The following HDAC9 variants were observed in gnomAD, a reference collection of about 807,000 sequenced individuals.
The protein encoded by HDAC9 is MEF-2 interacting transcription repressor (MITR) protein.
In HDAC9, 41 loss-of-function variants were observed where a neutral mutation model predicts 139.4. The ratio of observed to expected loss-of-function variants is 0.29; its 90% CI spans 0.23 to 0.38. HDAC9 has a LOEUF of 0.38. Among genes scored for constraint, HDAC9 ranks in the 10% least tolerant of loss-of-function variants. The pLI is 1.00. For missense variants in HDAC9, 1,147 were observed against 1,297.0 expected (o/e 0.88, Z 1.78); for synonymous variants, 517 against 476.2 (o/e 1.09, Z -1.12).
intron 2 of HDAC9, among the ~76,000 whole-genome samples, chr7:18,539,000 G>A (rs746429971): frequency 6.6e-6 from 1 of 152,090 alleles, no homozygotes; most frequent in Non-Finnish European, 1.5e-5. Context: ...TTATCTTCTT[G>A]TAAAGCCACA....
intron 22 of HDAC9, among the ~76,000 whole-genome samples, chr7:18,879,633 C>T (rs1799576589): frequency 6.6e-6 from 1 of 152,124 alleles, no homozygotes; most frequent in African/African-American, 2.4e-5. Flanking sequence ...AGCTGGACCC[C>T]TTCCTTACAC....
chr7:18,148,567 C>T (rs1786518498), intron 1 of HDAC9, among the ~76,000 whole-genome samples: 1 of 152,210 alleles, frequency 6.6e-6, no homozygotes, highest in South Asian at 2.1e-4. Context: ...TGCGATTCCC[C>T]CACCTCAGCC....
chr7:18,922,559 A>G (rs1803850540), intron 22 of HDAC9, among the ~76,000 whole-genome samples: 1 of 152,052 alleles, frequency 6.6e-6, no homozygotes, highest in African/African-American at 2.4e-5. Flanking sequence ...TTGGTCTGGG[A>G]TGAGGCTCAC....
At chr7:18,775,716 G>A (rs73317458) in intron 16 of HDAC9, among the ~76,000 whole-genome samples, 1,728 of 150,052 alleles carry the variant, frequency 0.012, 25 homozygotes, top group African/African-American at 0.04. Context: ...TCCCACTCAT[G>A]TATCTTGTCA....
At chr7:18,559,756 C>T (rs577341901) in intron 2 of HDAC9, among the ~76,000 whole-genome samples, 4 of 152,288 alleles carry the variant, frequency 2.6e-5, no homozygotes, top group South Asian at 4.1e-4. Flanking sequence ...TATTTAGTAA[C>T]AGCTTTGGGA....
chr7:18,554,223 A>T (rs1333780101), intron 2 of HDAC9, among the ~76,000 whole-genome samples: 1 of 152,102 alleles, frequency 6.6e-6, no homozygotes, highest in Non-Finnish European at 1.5e-5. Flanking sequence ...TATATTGTCG[A>T]AACTATGTTA....
At position 18,243,483 on chromosome 7, in the gene HDAC9, T is replaced by C. The variant is rs184549875; in HGVS notation, c.25+81134T>C. Reference sequence around the variant, plus strand: ...GGCCCAGTCACACAGTGATGACTTGTAGCCTCTGGACAAATGTCATAGAAT... The same window carrying C: ...GGCCCAGTCACACAGTGATGACTTGCAGCCTCTGGACAAATGTCATAGAAT... On this transcript the variant is annotated intron_variant, in intron 2 of 12. Coordinates refer to the HDAC9 transcript ENST00000417496. 1.2e-3 allele frequency among the ~76,000 whole-genome samples: 189 copies of C among 152,354 alleles called. 1 individual carries two copies. Among genetic ancestry groups the C allele is most frequent in the African/African-American group, 4.4e-3 (181 of 41,582 alleles).
rs181595594 is a variant in HDAC9, at chr7:18,712,361, G to T, written c.1732-15219G>T. On this transcript the variant is annotated intron_variant, in intron 12 of 25. Coordinates refer to ENST00000686413, the MANE Select transcript of HDAC9 (RefSeq NM_178425.4). ...GAGAAGGGATGGGCTCTAGCATGTG[G>T]GACTATTGCATGATAAACAAACAGC... is the stretch of plus-strand genomic sequence containing the variant. Among the ~76,000 whole-genome samples, 1,068 of 152,142 alleles carry T rather than the reference G, an allele frequency of 7.0e-3. 4 individuals are homozygous for T. Among genetic ancestry groups the T allele is most frequent in the South Asian group, 0.031 (150 of 4,824 alleles).
At chr7:18,788,622 G>A (rs1792024069) in intron 16 of HDAC9, among the ~76,000 whole-genome samples, 1 of 152,000 alleles carries the variant, frequency 6.6e-6, no homozygotes, top group Non-Finnish European at 1.5e-5. Flanking sequence ...CAGTGTGGTG[G>A]CGGATGCCTG....
intron 17 of HDAC9, among the ~76,000 whole-genome samples, chr7:18,828,775 T>C (rs1795645741): frequency 6.6e-6 from 1 of 152,206 alleles, no homozygotes; most frequent in South Asian, 2.1e-4. Flanking sequence ...CTTTCCAAAC[T>C]TTGACCCAAA....
chr7:18,438,128 T>C (rs1052992007), intron 1 of HDAC9, among the ~76,000 whole-genome samples: 1 of 151,138 alleles, frequency 6.6e-6, no homozygotes, highest in Non-Finnish European at 1.5e-5. Flanking sequence ...TAAAAATAAA[T>C]AGTATATAAG....
chr7:18,434,450 C>T (rs1009805678), intron 1 of HDAC9, among the ~76,000 whole-genome samples: 8 of 152,060 alleles, frequency 5.3e-5, no homozygotes, highest in African/African-American at 1.9e-4. Context: ...AAGACAGTAT[C>T]GACAGAATAA....
chr7:18,301,352 A>T (rs899712725), intron 1 of HDAC9, among the ~76,000 whole-genome samples: 1 of 152,144 alleles, frequency 6.6e-6, no homozygotes, highest in African/African-American at 2.4e-5. Context: ...GTTGCATTTT[A>T]TGATAGAGCA....
intron 2 of HDAC9, among the ~76,000 whole-genome samples, chr7:18,235,088 A>G (rs302160): frequency 0.059 from 9,030 of 152,204 alleles, 329 homozygotes; most frequent in African/African-American, 0.097. Context: ...ATTTTAATCA[A>G]GCACCCTAGA....
intron 12 of HDAC9, among the ~76,000 whole-genome samples, chr7:18,680,099 G>A (rs770067965): frequency 7.2e-5 from 11 of 151,890 alleles, no homozygotes; most frequent in Admixed American, 1.3e-4. Flanking sequence ...TGGGACCTAC[G>A]AACCCAGGGG....
At chr7:18,534,290 C>G (rs1355316804) in intron 2 of HDAC9, among the ~76,000 whole-genome samples, 1 of 152,144 alleles carries the variant, frequency 6.6e-6, no homozygotes, top group Non-Finnish European at 1.5e-5. Flanking sequence ...CGTGATGGCT[C>G]ACAGCTGTAA....
intron 11 of HDAC9, among the ~76,000 whole-genome samples, chr7:18,652,334 AG>A (rs1789547415): frequency 6.6e-6 from 1 of 152,092 alleles, no homozygotes; most frequent in Non-Finnish European, 1.5e-5. Flanking sequence ...AAAAGTAATA[AG>A]GTATTGGTAA....
chr7:18,769,041 A>T lies in HDAC9; in HGVS notation c.2214+1886A>T, dbSNP rs932686841. 9.9e-4 allele frequency among the ~76,000 whole-genome samples: 151 copies of T among 152,250 alleles called. 1 individual carries two copies. Among genetic ancestry groups the T allele is most frequent in the Non-Finnish European group, 2.5e-4 (17 of 68,018 alleles). ...ATGTTTGGTAAGTTAGGTGTATTAA[A>T]TTCTTTTTTGACTAAGGACATTTTC... On this transcript the variant is annotated intron_variant, in intron 16 of 25. Transcript: ENST00000686413.
chr7:18,157,199 T>C (rs11983433), intron 1 of HDAC9, among the ~76,000 whole-genome samples: 2,096 of 152,316 alleles, frequency 0.014, 48 homozygotes, highest in African/African-American at 0.047. Flanking sequence ...TAGTCAGGAC[T>C]CATAGTCAGC....
Sources: gnomAD v4.1 joint callset for allele counts (sites outside exome capture counted in the v4.1 genomes callset) on GRCh38, gnomAD v4.1.1 for gene constraint, MANE v1.5 for transcripts, NCBI Gene and HGNC (gene_info 2026-07-23, HGNC 2026-07-21) for gene names.